CLIP1: variants seen among roughly 807,000 people sequenced by gnomAD.
CLIP1 encodes the protein CAP-Gly domain containing linker protein 1.
In CLIP1, 66 loss-of-function variants were observed where a neutral mutation model predicts 161.6. That is an observed-to-expected ratio of 0.41 (90% CI 0.33 to 0.50). The LOEUF is 0.50. Among genes scored for constraint, CLIP1 ranks in the 20% least tolerant of loss-of-function variants. CLIP1 has a pLI of 0.27. For missense variants in CLIP1, 1,376 were observed against 1,702.0 expected (o/e 0.81, Z 3.37); for synonymous variants, 598 against 626.2 (o/e 0.96, Z 0.67).
chr12:122,419,754 C>T (rs1407522834), intron 1 of CLIP1, among the ~76,000 whole-genome samples: 2 of 150,784 alleles, frequency 1.3e-5, no homozygotes, highest in African/African-American at 2.4e-5. Flanking sequence ...TGGCCAACAT[C>T]GTGAAACCCT....
intron 1 of CLIP1, among the ~76,000 whole-genome samples, chr12:122,410,405 A>ATATTTATT (rs1956483311): frequency 6.7e-6 from 1 of 150,358 alleles, no homozygotes; most frequent in South Asian, 2.1e-4. Context: ...GTAAAGTTAT[A>ATATTTATT]TTTATTTATG....
At chr12:122,314,562 GTCCACTTGGC>G (rs1951191740) in intron 19 of CLIP1, among the ~76,000 whole-genome samples, 1 of 152,158 alleles carries the variant, frequency 6.6e-6, no homozygotes, top group African/African-American at 2.4e-5. Context: ...TCTTGGCCAG[GTCCACTTGGC>G]CCTGCCCCTC....
chr12:122,354,331 G>A (rs1953215630), intron 7 of CLIP1, 122 bp downstream of exon 7: 1 of 619,180 alleles, frequency 1.6e-6, no homozygotes, highest in African/African-American at 1.9e-5. Context: ...GGAGGCAGAG[G>A]TTGTAGTGAG....
At chr12:122,316,933 A>G in intron 18 of CLIP1, 78 bp from the exon 19 acceptor site, 1 of 878,812 alleles carries the variant, frequency 1.1e-6, no homozygotes, top group Non-Finnish European at 1.7e-6. Flanking sequence ...ATTCATGAAA[A>G]TGTGTACTGA....
intron 3 of CLIP1, among the ~76,000 whole-genome samples, chr12:122,374,209 C>T (rs1198002538): frequency 2.6e-5 from 4 of 151,132 alleles, no homozygotes; most frequent in African/African-American, 9.7e-5. Context: ...TGGTAGCTCA[C>T]GCCTGTAACC....
intron 4 of CLIP1, among the ~76,000 whole-genome samples, chr12:122,362,804 G>C (rs1953936055): frequency 2.1e-5 from 3 of 142,552 alleles, no homozygotes; most frequent in African/African-American, 7.8e-5. Context: ...AAAAAAAAAA[G>C]TAAACATGGA....
intron 20 of CLIP1, among the ~76,000 whole-genome samples, chr12:122,289,805 G>GTT (rs11286847): frequency 2.9e-5 from 4 of 136,758 alleles, no homozygotes; most frequent in Non-Finnish European, 3.2e-5. Flanking sequence ...CACTGTTAAT[G>GTT]TTTTTTTTTT....
In CLIP1 at chr12:122,355,367, GA is replaced by G; in HGVS notation, c.1006-56del. The G allele has an allele frequency of 1.3e-6, 2 of 1,511,478 alleles. No individual in the cohort carries two copies. Among genetic ancestry groups the G allele is most frequent in the Non-Finnish European group, 1.8e-6 (2 of 1,095,542 alleles). The allele number at this position is 1,511,478 out of a possible 1,614,324, so 93.6% of individuals were successfully genotyped here. A position where few individuals can be genotyped will look rare whatever the true frequency, so the allele number is the denominator to read the frequency against. On this transcript the variant is annotated intron_variant, in intron 5 of 25. Transcript: ENST00000620786. The surrounding 1 kb of genome is among the most constrained non-coding windows in gnomAD (Gnocchi z 4.1). The stretch of plus-strand genomic sequence containing the variant: ...CGATGATGCTGTCAGAAAAGCGAGG[GA>G]GGCGCGATGCATGCATGGCGGGCAT...
rs548997048 is a variant in CLIP1, at chr12:122,336,385, G to C, written c.2568+247C>G. Among the ~76,000 whole-genome samples, 117 of 146,254 alleles carry C rather than the reference G, an allele frequency of 8.0e-4. 1 individual carries two copies. Among genetic ancestry groups the C allele is most frequent in the Middle Eastern group, 3.5e-3 (1 of 282 alleles). Reference sequence around the variant, plus strand: ...AAGTAGTCAATAACATTTCAAAGCAGTGCGTTACCAAAGGCGAAGGGATAG... The same window carrying C: ...AAGTAGTCAATAACATTTCAAAGCACTGCGTTACCAAAGGCGAAGGGATAG... On this transcript the variant is annotated intron_variant, in intron 12 of 25. Coordinates refer to ENST00000620786, the MANE Select transcript of CLIP1 (RefSeq NM_001247997.2).
chr12:122,367,437 A>C (rs1183445663), intron 3 of CLIP1, among the ~76,000 whole-genome samples: 2 of 152,206 alleles, frequency 1.3e-5, no homozygotes, highest in Non-Finnish European at 2.9e-5. Context: ...TATTCTATGG[A>C]GACAGAAAGT....
chr12:122,340,945 A>C lies in CLIP1; in HGVS notation c.2259T>G (p.Asn753Lys). The stretch of plus-strand genomic sequence containing the variant: ...AATTATCAATAACCTTGGTTTGTTC[A>C]TTGCATTTGGCTTGCAGTACCTCTA... ...KELEVLQAKC[N>K]EQTKVIDNFT... is the part of the protein sequence containing the mutation. The change falls in exon 11 of 26, where the codon AAT becomes AAG. Residue 753 changes from asparagine to lysine, a missense_variant. Physicochemically the swap from Asn to Lys is moderately conservative, Grantham distance 94 (BLOSUM62 0). Transcript: ENST00000620786. 6.2e-7 allele frequency: 1 copy of C among 1,614,160 alleles called. No homozygotes were observed. The highest frequency in any genetic ancestry group is 8.5e-7 in the Non-Finnish European group (1 of 1,180,028).
At chr12:122,404,833 G>A (rs1593257929) in intron 1 of CLIP1, among the ~76,000 whole-genome samples, 1 of 151,006 alleles carries the variant, frequency 6.6e-6, no homozygotes, top group African/African-American at 2.4e-5. Context: ...CCGGGAGGCG[G>A]AGGTTGCAGT....
intron 11 of CLIP1, among the ~76,000 whole-genome samples, chr12:122,339,313 G>C (rs1346578873): frequency 1.3e-5 from 2 of 150,708 alleles, no homozygotes; most frequent in African/African-American, 5.0e-5. Context: ...TAATTTTGCT[G>C]TGAATGTTAT....
At chr12:122,345,895 C>T (rs1319368699) in intron 10 of CLIP1, among the ~76,000 whole-genome samples, 1 of 151,962 alleles carries the variant, frequency 6.6e-6, no homozygotes, top group African/African-American at 2.4e-5. Context: ...AAGTGATTCT[C>T]CTGCCTCAGC....
chr12:122,336,304 T>C (rs1029851961), intron 12 of CLIP1, among the ~76,000 whole-genome samples: 1 of 151,746 alleles, frequency 6.6e-6, no homozygotes, highest in African/African-American at 2.4e-5. Flanking sequence ...TCATTCAATA[T>C]GAAACCTAAC....
chr12:122,286,520 T>TAAAAAAAAAAA (rs57260606), intron 21 of CLIP1, among the ~76,000 whole-genome samples: 3 of 28,256 alleles, frequency 1.1e-4, no homozygotes, highest in East Asian at 9.2e-4. Context: ...GACTCTGTCT[T>TAAAAAAAAAAA]AAAAAAAAAA....
intron 14 of CLIP1, 67 bp downstream of exon 14, chr12:122,333,960 T>A: frequency 1.1e-6 from 1 of 944,934 alleles, no homozygotes; most frequent in South Asian, 1.3e-5. Context: ...TGTAACATAC[T>A]ACAACTGTCT....
At chr12:122,352,120 C>G (rs563241888) in intron 8 of CLIP1, among the ~76,000 whole-genome samples, 2 of 149,438 alleles carry the variant, frequency 1.3e-5, no homozygotes, top group South Asian at 2.1e-4. Flanking sequence ...TGCAGTGGCA[C>G]GATCTCGGCT....
chr12:122,278,306 A>G (rs1200405257), intron 23 of CLIP1, 103 bp from the exon 24 acceptor site: 1 of 1,098,800 alleles, frequency 9.1e-7, no homozygotes, highest in Non-Finnish European at 1.3e-6. Context: ...TTCAAAACTC[A>G]TTTTCCTGTG....
Sources: allele counts gnomAD v4.1 joint callset (sites outside exome capture counted in the v4.1 genomes callset), GRCh38; gene constraint gnomAD v4.1.1; non-coding constraint Gnocchi (gnomAD v3.1); transcripts MANE v1.5; gene names NCBI Gene and HGNC (gene_info 2026-07-23, HGNC 2026-07-21).